The following FGGY variants were observed in gnomAD, a reference collection of about 807,000 sequenced individuals.
FGGY encodes FGGY carbohydrate kinase domain containing.
Under a neutral mutation model 71.3 loss-of-function variants are expected in FGGY, and 72 were observed. The observed-to-expected ratio is 1.01, with a 90% CI of 0.84 to 1.23. FGGY has a LOEUF of 1.23. FGGY is among the 50% of genes most tolerant of loss of function. The pLI, the probability that FGGY is intolerant of heterozygous loss-of-function variation, is 0.00. For synonymous variants in FGGY, 251 were observed against 250.3 expected (o/e 1.00, Z -0.02); for missense variants, 668 against 682.3 (o/e 0.98, Z 0.23).
At chr1:59,556,562 T>C (rs1032098084) in intron 8 of FGGY, among the ~76,000 whole-genome samples, 1 of 152,210 alleles carries the variant, frequency 6.6e-6, no homozygotes, top group Non-Finnish European at 1.5e-5. Context: ...GATGTACCCA[T>C]AGAGGAATGG....
chr1:59,412,913 G>A (rs2063812719), intron 5 of FGGY, among the ~76,000 whole-genome samples: 1 of 152,206 alleles, frequency 6.6e-6, no homozygotes, highest in Admixed American at 6.5e-5. Flanking sequence ...TCAGCAAGAA[G>A]AAATGGGCTG....
intron 14 of FGGY, among the ~76,000 whole-genome samples, chr1:59,678,652 C>T (rs1198829772): frequency 1.3e-5 from 2 of 152,178 alleles, no homozygotes; most frequent in African/African-American, 4.8e-5. Context: ...CTGCAGATGT[C>T]ATTAGCTTTC....
chr1:59,728,871 A>C (rs1433349229), intron 14 of FGGY, among the ~76,000 whole-genome samples: 1 of 151,934 alleles, frequency 6.6e-6, no homozygotes, highest in Non-Finnish European at 1.5e-5. Context: ...CGATATTTTC[A>C]TATTTATTCT....
chr1:59,427,049 C>G (rs994669583), intron 5 of FGGY, among the ~76,000 whole-genome samples: 3 of 152,210 alleles, frequency 2.0e-5, no homozygotes. Flanking sequence ...ATAAGCCTGA[C>G]TTTCTACCTC....
intron 14 of FGGY, among the ~76,000 whole-genome samples, chr1:59,723,775 T>C (rs578063853): frequency 6.6e-6 from 1 of 152,374 alleles, no homozygotes; most frequent in African/African-American, 2.4e-5. Flanking sequence ...TAAGGTTTAC[T>C]TTTTGTACTC....
chr1:59,426,980 A>G (rs769462340), intron 5 of FGGY, among the ~76,000 whole-genome samples: 3 of 152,206 alleles, frequency 2.0e-5, no homozygotes, highest in East Asian at 1.9e-4. Flanking sequence ...GAGGCCAAGC[A>G]TGCTGGGGAC....
chr1:59,606,572 T>G (rs1426904262), intron 8 of FGGY, among the ~76,000 whole-genome samples: 1 of 152,198 alleles, frequency 6.6e-6, no homozygotes, highest in Non-Finnish European at 1.5e-5. Flanking sequence ...GATTTGTCTA[T>G]AGTTGATTGA....
At chr1:59,546,629 C>T (rs2095530020) in intron 7 of FGGY, among the ~76,000 whole-genome samples, 1 of 151,524 alleles carries the variant, frequency 6.6e-6, no homozygotes, top group Non-Finnish European at 1.5e-5. Flanking sequence ...TCAGTGCAAG[C>T]TCTGCTTCCC....
At chr1:59,508,901 A>G (rs1223153012) in intron 6 of FGGY, among the ~76,000 whole-genome samples, 1 of 152,298 alleles carries the variant, frequency 6.6e-6, no homozygotes, top group Non-Finnish European at 1.5e-5. Flanking sequence ...TTGGCTGTGA[A>G]AGAAGGAAGA....
At chr1:59,545,068 G>C (rs1011910459) in intron 7 of FGGY, among the ~76,000 whole-genome samples, 3 of 152,152 alleles carry the variant, frequency 2.0e-5, no homozygotes, top group African/African-American at 7.2e-5. Flanking sequence ...AGACTATTCA[G>C]ATCTGAGTCA....
intron 7 of FGGY, among the ~76,000 whole-genome samples, chr1:59,534,773 G>A (rs1303770028): frequency 6.6e-6 from 1 of 151,752 alleles, no homozygotes; most frequent in Non-Finnish European, 1.5e-5. Flanking sequence ...TTACAGACAA[G>A]CAAATGCTGA....
chr1:59,653,641 C>T (rs1008701681), intron 11 of FGGY, among the ~76,000 whole-genome samples: 4 of 152,206 alleles, frequency 2.6e-5, no homozygotes, highest in Non-Finnish European at 2.9e-5. Flanking sequence ...CACTGGCCTG[C>T]GCCCACTGTC....
chr1:59,358,323 G>A (rs1373243231), intron 4 of FGGY, among the ~76,000 whole-genome samples: 3 of 152,062 alleles, frequency 2.0e-5, no homozygotes, highest in African/African-American at 7.2e-5. Context: ...TTATTGTAGG[G>A]ATATATTCAT....
At chr1:59,662,310 A>T (rs1437563645) in intron 12 of FGGY, among the ~76,000 whole-genome samples, 2 of 139,986 alleles carry the variant, frequency 1.4e-5, no homozygotes, top group African/African-American at 5.5e-5. Context: ...ACAGAGCGAG[A>T]CTCCATCTCA....
intron 14 of FGGY, among the ~76,000 whole-genome samples, chr1:59,715,258 A>G (rs2097836410): frequency 6.6e-6 from 1 of 152,326 alleles, no homozygotes; most frequent in Non-Finnish European, 1.5e-5. Flanking sequence ...CAGCTGATCC[A>G]TTGGTACCAT....
At chr1:59,652,085 C>G (rs949684546) in intron 11 of FGGY, among the ~76,000 whole-genome samples, 1 of 152,140 alleles carries the variant, frequency 6.6e-6, no homozygotes, top group East Asian at 1.9e-4. Flanking sequence ...TTGGCCCCCA[C>G]TCTCTTCTGG....
intron 7 of FGGY, among the ~76,000 whole-genome samples, chr1:59,542,470 TTTTTTTG>T (rs2095457869): frequency 7.1e-6 from 1 of 139,898 alleles, no homozygotes; most frequent in African/African-American, 2.7e-5. Context: ...TTTTTTTTTT[TTTTTTTG>T]AGATGGAGTT....
chr1:59,468,286 A>G (rs1374051240), intron 6 of FGGY, among the ~76,000 whole-genome samples: 6 of 152,182 alleles, frequency 3.9e-5, no homozygotes, highest in African/African-American at 7.2e-5. Flanking sequence ...CAATGAATGT[A>G]TTTCCTTAAT....
At chr1:59,737,701 G>T (rs1480457337) in intron 14 of FGGY, among the ~76,000 whole-genome samples, 1 of 152,234 alleles carries the variant, frequency 6.6e-6, no homozygotes, top group Non-Finnish European at 1.5e-5. Flanking sequence ...GATTTTGCAG[G>T]CTCATAGGCA....
Sources: gnomAD v4.1 joint callset for allele counts (sites outside exome capture counted in the v4.1 genomes callset) on GRCh38, gnomAD v4.1.1 for gene constraint, MANE v1.5 for transcripts, NCBI Gene and HGNC (gene_info 2026-07-23, HGNC 2026-07-21) for gene names.